Variants in ZDHHC20 observed in about 807,000 individuals in gnomAD.
The protein encoded by ZDHHC20 is palmitoyltransferase ZDHHC20.
ZDHHC20 carries 43 observed loss-of-function variants against 57.8 expected under a neutral mutation model. That is an observed-to-expected ratio of 0.74 (90% confidence interval 0.58 to 0.96). The LOEUF (loss-of-function observed/expected upper bound fraction) is 0.96. ZDHHC20 is among the 40% of genes least tolerant of loss of function. The probability of loss-of-function intolerance (pLI) is 0.00; values close to 1 mark genes in which losing one functional copy is unlikely to be tolerated. For synonymous variants in ZDHHC20, 157 were observed against 153.0 expected, an observed-to-expected ratio of 1.03 and a Z score of -0.19; for missense variants, 391 against 441.1, an observed-to-expected ratio of 0.89 and a Z score of 1.02.
At chr13:21,402,951 T>C (rs144710081) in intron 4 of ZDHHC20, 85 bp from the exon 5 acceptor site, 3 of 988,238 alleles carry the variant, frequency 3.0e-6, no homozygotes, top group Non-Finnish European at 3.1e-6. Context: ...CTAAAAAAAA[T>C]AACTCTGGGT....
chr13:21,405,429 A>G (rs1878305931), intron 4 of ZDHHC20, among the ~76,000 whole-genome samples: 1 of 152,220 alleles, frequency 6.6e-6, no homozygotes, highest in Non-Finnish European at 1.5e-5. Flanking sequence ...ACAAGTCACA[A>G]GATAATCCCA....
intron 9 of ZDHHC20, among the ~76,000 whole-genome samples, chr13:21,385,702 A>G (rs1874343234): frequency 6.6e-6 from 1 of 152,220 alleles, no homozygotes; most frequent in African/African-American, 2.4e-5. Context: ...AGAAAAAAAT[A>G]AAGACGTAAC....
chr13:21,374,880 T>C lies in ZDHHC20; in HGVS notation c.*1816A>G. The C allele has an allele frequency of 3.0e-6, 1 of 329,930 alleles. No individual in the cohort carries two copies. The highest frequency in any genetic ancestry group is 5.9e-6 in the Non-Finnish European group (1 of 169,600). 20.4% of individuals were successfully genotyped at this position (329,930 alleles called of 1,614,324 possible). A position where few individuals can be genotyped will look rare whatever the true frequency, so the allele number is the denominator to read the frequency against. Reference sequence around the variant, plus strand: ...GGGGCGTGGTGGCTCACGCCTGTAATCCCAGCACTTTGGGAAGCTGAGGTG... The same window carrying C: ...GGGGCGTGGTGGCTCACGCCTGTAACCCCAGCACTTTGGGAAGCTGAGGTG... On this transcript the variant is annotated 3_prime_UTR_variant, in exon 13 of 13. Coordinates refer to ENST00000400590, the MANE Select transcript of ZDHHC20 (RefSeq NM_001330059.2).
intron 1 of ZDHHC20, among the ~76,000 whole-genome samples, chr13:21,449,271 T>G (rs1035365283): frequency 6.6e-6 from 1 of 152,234 alleles, no homozygotes; most frequent in Admixed American, 6.5e-5. Flanking sequence ...TGTTCATTAT[T>G]TCCTGCAATT....
chr13:21,391,835 C>A lies in ZDHHC20; in HGVS notation c.614G>T (p.Arg205Leu), dbSNP rs529180383. The A allele has an allele frequency of 3.1e-6, 5 of 1,612,026 alleles. No individual in the cohort carries two copies. Among genetic ancestry groups the A allele is most frequent in the Non-Finnish European group, 4.2e-6 (5 of 1,179,206 alleles). Residue 205 changes from arginine (R) to leucine (L), a missense_variant, in exon 8 of 13, where the codon CGT becomes CTT. Arg to Leu is a moderately radical substitution (Grantham distance 102). This residue lies in a region of ZDHHC20 where 197 missense variants were observed against 220.8 expected (regional missense o/e 0.89). Transcript: ENST00000400590. Reference sequence around the variant, plus strand: ...AAGAAAAAGTACGTGGAATTTTGCACGTGTATCTGTCAGTTCATTCTGAGG... The same window carrying A: ...AAGAAAAAGTACGTGGAATTTTGCAAGTGTATCTGTCAGTTCATTCTGAGG... ...KFWTNELTDT[R>L]AKFHVLFLFF...
Position 21,459,065 on chromosome 13 carries a change from T to C in ZDHHC20, c.107A>G (p.Glu36Gly). Residue 36 changes from glutamate to glycine, a missense_variant, in exon 1 of 13, where the codon GAG becomes GGG. Glu to Gly is a moderately conservative substitution (Grantham distance 98, BLOSUM62 -2). This residue lies in a region of ZDHHC20 where 185 missense variants were observed against 188.0 expected (regional missense o/e 0.98). Transcript: ENST00000400590. The part of the protein sequence containing the change: ...VVWSYYAYVV[E>G]LCVFTIFGNE... ...GGGACGGTACTCACACACGCAGAGC[T>C]CCACCACGTACGCGTAGTAGGACCA... 3 of 1,601,266 alleles carry C rather than the reference T, an allele frequency of 1.9e-6. No homozygotes were observed. Among genetic ancestry groups the C allele is most frequent in the Non-Finnish European group, 2.6e-6 (3 of 1,174,816 alleles).
In ZDHHC20 at chr13:21,374,962, C is replaced by T. The variant is rs1445734505; in HGVS notation, c.*1734G>A. ...CAGCCTGGTCAACATGGTGAAACCTCGTCTCTTCTAAAAATGTGAAAATTA... is the reference window on the plus strand; with the variant it reads ...CAGCCTGGTCAACATGGTGAAACCTTGTCTCTTCTAAAAATGTGAAAATTA... On this transcript the variant is annotated 3_prime_UTR_variant, in exon 13 of 13. Transcript: ENST00000400590. 5 of 359,910 alleles carry T rather than the reference C, an allele frequency of 1.4e-5. No homozygotes were observed. Among genetic ancestry groups the T allele is most frequent in the African/African-American group, 6.5e-5 (3 of 46,502 alleles). 22.3% of individuals were successfully genotyped at this position (359,910 alleles called of 1,614,324 possible).
intron 3 of ZDHHC20, among the ~76,000 whole-genome samples, chr13:21,419,974 T>C (rs564665916): frequency 3.3e-5 from 5 of 152,308 alleles, no homozygotes; most frequent in African/African-American, 1.2e-4. Flanking sequence ...CCTAACAATG[T>C]GGCAGGTACA....
At chr13:21,391,902 C>G in intron 7 of ZDHHC20, 48 bp from the exon 8 acceptor site, 1 of 1,566,290 alleles carries the variant, frequency 6.4e-7, no homozygotes, top group Non-Finnish European at 8.7e-7. Context: ...TAAAATATAA[C>G]TTACAAGTTA....
chr13:21,448,293 C>T (rs1195761426), intron 1 of ZDHHC20, among the ~76,000 whole-genome samples: 1 of 92,652 alleles, frequency 1.1e-5, no homozygotes, highest in Non-Finnish European at 2.7e-5. Context: ...CTCTGCCCGG[C>T]CAGCCGCCCC....
At chr13:21,393,188 T>G (rs957708564) in intron 7 of ZDHHC20, among the ~76,000 whole-genome samples, 1 of 145,164 alleles carries the variant, frequency 6.9e-6, no homozygotes, top group Non-Finnish European at 1.6e-5. Context: ...TTTTCTTTTT[T>G]CTTTTTTTTT....
rs1871760204 is a variant in ZDHHC20 at position 21,374,661 on chromosome 13, T to C, written c.*2035A>G. The C allele has an allele frequency of 1.3e-5, 3 of 232,734 alleles. No individual in the cohort carries two copies. The Admixed American group carries it at 1.4e-4, about 11-fold the overall frequency. 14.4% of individuals were successfully genotyped at this position (232,734 alleles called of 1,614,324 possible). A position where few individuals can be genotyped will look rare whatever the true frequency, so the allele number is the denominator to read the frequency against. Reference sequence around the variant, plus strand: ...TGTTTTCAAAGCTAACTCATTCCTTTGGTTCAAAAAGAAAAAAAGTTGCCT... The same window carrying C: ...TGTTTTCAAAGCTAACTCATTCCTTCGGTTCAAAAAGAAAAAAAGTTGCCT... On this transcript the variant is annotated 3_prime_UTR_variant, in exon 13 of 13. Coordinates refer to ENST00000400590, the MANE Select transcript of ZDHHC20 (RefSeq NM_001330059.2).
intron 1 of ZDHHC20, among the ~76,000 whole-genome samples, chr13:21,429,567 G>A (rs1373559533): frequency 1.3e-5 from 2 of 152,120 alleles, no homozygotes; most frequent in East Asian, 1.9e-4. Context: ...ATGTATGTTG[G>A]AGTGGATTTC....
At chr13:21,442,013 T>C (rs369531895) in intron 1 of ZDHHC20, among the ~76,000 whole-genome samples, 1 of 152,236 alleles carries the variant, frequency 6.6e-6, no homozygotes, top group East Asian at 1.9e-4. Context: ...TTATCAAGTA[T>C]TTTGTGTGTA....
intron 7 of ZDHHC20, among the ~76,000 whole-genome samples, chr13:21,397,910 C>A (rs1877054145): frequency 6.6e-6 from 1 of 152,052 alleles, no homozygotes; most frequent in Non-Finnish European, 1.5e-5. Context: ...GATGGAGGGT[C>A]TAAACCATGT....
intron 1 of ZDHHC20, among the ~76,000 whole-genome samples, chr13:21,427,666 T>C (rs1439077544): frequency 6.6e-6 from 1 of 152,034 alleles, no homozygotes; most frequent in Admixed American, 6.6e-5. Context: ...AAACCCCGTC[T>C]GCACTAAAAA....
intron 3 of ZDHHC20, 35 bp from the exon 4 acceptor site, chr13:21,413,807 A>AT: frequency 6.4e-7 from 1 of 1,568,646 alleles, no homozygotes. Context: ...AATTTTTTTA[A>AT]TCCCATGATG....
intron 8 of ZDHHC20, among the ~76,000 whole-genome samples, chr13:21,388,197 C>T (rs1026033466): frequency 1.7e-4 from 26 of 151,948 alleles, no homozygotes; most frequent in African/African-American, 6.3e-4. Context: ...CTGAGGATGA[C>T]TAGACCATTA....
At chr13:21,433,123 T>A (rs1882164925) in intron 1 of ZDHHC20, among the ~76,000 whole-genome samples, 1 of 152,248 alleles carries the variant, frequency 6.6e-6, no homozygotes, top group South Asian at 2.1e-4. Flanking sequence ...ATATAAATAC[T>A]TACTTATTTT....
Sources: allele counts gnomAD v4.1 joint callset (sites outside exome capture counted in the v4.1 genomes callset), GRCh38; gene constraint gnomAD v4.1.1; regional missense constraint gnomAD v4.1.1; transcripts MANE v1.5; gene names NCBI Gene and HGNC (gene_info 2026-07-23, HGNC 2026-07-21).